The following RBMS2 variants were observed in gnomAD, a reference collection of about 807,000 sequenced individuals.
The protein encoded by RBMS2 is RNA binding motif single stranded interacting protein 2, also known as RNA-binding motif, single-stranded-interacting protein 2.
RBMS2 carries 38 observed loss-of-function variants against 58.4 expected under a neutral mutation model. That is an observed-to-expected ratio of 0.65 (90% CI 0.50 to 0.85). RBMS2 has a LOEUF of 0.85. Among genes scored for constraint, RBMS2 ranks in the 40% least tolerant of loss-of-function variants. The pLI is 0.00. For synonymous variants in RBMS2, 151 were observed against 180.7 expected, an observed-to-expected ratio of 0.84 and a Z score of 1.32; for missense variants, 367 against 503.7, an observed-to-expected ratio of 0.73 and a Z score of 2.60.
intron 2 of RBMS2, among the ~76,000 whole-genome samples, chr12:56,565,859 G>A (rs1013018126): frequency 5.3e-5 from 8 of 152,106 alleles, no homozygotes; most frequent in Non-Finnish European, 8.8e-5. Context: ...CCTGTTTCTC[G>A]GAGGGGCTCC....
Position 56,581,830 on chromosome 12 carries a change from T to C in RBMS2, c.733-3T>C, listed in dbSNP as rs1883993753. 1 of 1,614,062 alleles carries C rather than the reference T, an allele frequency of 6.2e-7. No individual in the cohort carries two copies. The highest frequency in any genetic ancestry group is 8.5e-7 in the Non-Finnish European group (1 of 1,180,004). The stretch of plus-strand genomic sequence containing the variant: ...ATGTGAACACTGTGTTCTTTCTTTA[T>C]AGGGCGTCATGGCCTTGACCTATGA... On this transcript the variant is annotated splice_region_variant and splice_polypyrimidine_tract_variant and intron_variant, in intron 7 of 13. Coordinates refer to ENST00000262031, the MANE Select transcript of RBMS2 (RefSeq NM_002898.4).
At chr12:56,529,936 G>T (rs964753311) in intron 1 of RBMS2, among the ~76,000 whole-genome samples, 1 of 152,148 alleles carries the variant, frequency 6.6e-6, no homozygotes, top group Non-Finnish European at 1.5e-5. Flanking sequence ...TAGAGACAGG[G>T]TCTCACTCTG....
chr12:56,585,566 CTTCA>C (rs1884567015), intron 9 of RBMS2, among the ~76,000 whole-genome samples: 1 of 152,152 alleles, frequency 6.6e-6, no homozygotes, highest in African/African-American at 2.4e-5. Context: ...TTTATCAGTA[CTTCA>C]TTCTTTTTAT....
At chr12:56,548,450 GAACA>G (rs911800029) in intron 1 of RBMS2, among the ~76,000 whole-genome samples, 1 of 151,916 alleles carries the variant, frequency 6.6e-6, no homozygotes, top group Non-Finnish European at 1.5e-5. Flanking sequence ...CTGTCTCAAA[GAACA>G]AACAAACAAA....
At chr12:56,552,034 G>A (rs1207991546) in intron 1 of RBMS2, among the ~76,000 whole-genome samples, 1 of 152,254 alleles carries the variant, frequency 6.6e-6, no homozygotes, top group Non-Finnish European at 1.5e-5. Flanking sequence ...GTTGCAGTGA[G>A]CCGAGATCGT....
intron 12 of RBMS2, chr12:56,588,711 C>A: frequency 6.7e-6 from 4 of 598,876 alleles, no homozygotes; most frequent in Non-Finnish European, 1.2e-5. Context: ...CAGTAGTTGA[C>A]ACCAGGATGC....
intron 5 of RBMS2, among the ~76,000 whole-genome samples, chr12:56,575,018 G>C (rs1029360163): frequency 2.0e-5 from 3 of 151,842 alleles, no homozygotes; most frequent in Non-Finnish European, 4.4e-5. Context: ...CGTGGTGGCG[G>C]GCGCCTGTAG....
intron 1 of RBMS2, among the ~76,000 whole-genome samples, chr12:56,528,649 T>C (rs1029394827): frequency 1.3e-5 from 2 of 151,922 alleles, no homozygotes; most frequent in Admixed American, 6.6e-5. Context: ...AGACAGATAA[T>C]AAAAAAGACA....
chr12:56,528,865 C>T (rs1290630819), intron 1 of RBMS2, among the ~76,000 whole-genome samples: 1 of 151,668 alleles, frequency 6.6e-6, no homozygotes, highest in Middle Eastern at 3.2e-3. Flanking sequence ...CCCAGGAGGT[C>T]AAGGCTGCGG....
chr12:56,569,803 CATGGAT>C (rs1231603772), intron 3 of RBMS2, 90 bp from the exon 4 acceptor site: 6 of 1,057,424 alleles, frequency 5.7e-6, no homozygotes, highest in Non-Finnish European at 8.7e-6. Context: ...ATTTCTGTTA[CATGGAT>C]CATAACTCTT....
chr12:56,525,119 C>T (rs1158645715), intron 1 of RBMS2, among the ~76,000 whole-genome samples: 1 of 152,008 alleles, frequency 6.6e-6, no homozygotes, highest in Non-Finnish European at 1.5e-5. Flanking sequence ...TGCTCTTTGT[C>T]TTGTCAAGTA....
At position 56,562,406 on chromosome 12, in the gene RBMS2, T is replaced by C; in HGVS notation, c.67-11T>C. On this transcript the variant is annotated splice_polypyrimidine_tract_variant and intron_variant, in intron 1 of 13. Transcript: ENST00000262031. Reference sequence around the variant, plus strand: ...ATAATCCTTCTACCTCTTCCTCATGTCTCCCTGCAGCCATATGTGTCATTG... The same window carrying C: ...ATAATCCTTCTACCTCTTCCTCATGCCTCCCTGCAGCCATATGTGTCATTG... The C allele has an allele frequency of 6.3e-7, 1 of 1,594,814 alleles. No individual in the cohort carries two copies. Among genetic ancestry groups the C allele is most frequent in the South Asian group, 1.1e-5 (1 of 90,628 alleles).
intron 1 of RBMS2, among the ~76,000 whole-genome samples, chr12:56,542,643 G>T (rs1415853136): frequency 2.7e-5 from 4 of 149,090 alleles, no homozygotes; most frequent in Admixed American, 1.4e-4. Flanking sequence ...CAACCTCCTC[G>T]GCTCAAGTGA....
chr12:56,587,384 C>T (rs958896303), intron 10 of RBMS2, among the ~76,000 whole-genome samples, 170 bp from the exon 11 acceptor site: 1 of 152,158 alleles, frequency 6.6e-6, no homozygotes, highest in African/African-American at 2.4e-5. Flanking sequence ...GGTCCTTCCA[C>T]ACTGACAGGC....
chr12:56,544,968 A>G (rs765403744), intron 1 of RBMS2, among the ~76,000 whole-genome samples: 1 of 151,814 alleles, frequency 6.6e-6, no homozygotes, highest in Non-Finnish European at 1.5e-5. Flanking sequence ...GGTTACATGG[A>G]TAAGTTCTTT....
intron 1 of RBMS2, among the ~76,000 whole-genome samples, chr12:56,548,276 A>G (rs1592378358): frequency 1.3e-5 from 2 of 151,976 alleles, no homozygotes; most frequent in Admixed American, 1.3e-4. Context: ...GTGAAACCCC[A>G]TCTCTACTAA....
In RBMS2 at chr12:56,536,758, G is replaced by A. The variant is rs778553097; in HGVS notation, c.66+14669G>A. Among the ~76,000 whole-genome samples, 22 of 151,392 alleles carry A rather than the reference G, an allele frequency of 1.5e-4. No homozygotes were observed. The East Asian group carries it at 2.8e-3, about 19-fold the overall frequency. On this transcript the variant is annotated intron_variant, in intron 1 of 13. Coordinates refer to ENST00000262031, the MANE Select transcript of RBMS2 (RefSeq NM_002898.4). ...AATTTTTTGTATTTTCAGTGGAGACGGGGTTTCACCATGCTGGCCAGGCTG... is the reference window on the plus strand; with the variant it reads ...AATTTTTTGTATTTTCAGTGGAGACAGGGTTTCACCATGCTGGCCAGGCTG...
chr12:56,556,033 A>G (rs1311927942), intron 1 of RBMS2, among the ~76,000 whole-genome samples: 1 of 150,856 alleles, frequency 6.6e-6, no homozygotes, highest in East Asian at 1.9e-4. Context: ...AGACAGAGCT[A>G]GACTCTGTGT....
At chr12:56,568,036 A>G (rs964222000) in intron 2 of RBMS2, among the ~76,000 whole-genome samples, 3 of 152,268 alleles carry the variant, frequency 2.0e-5, no homozygotes, top group African/African-American at 7.2e-5. Flanking sequence ...ATTAATTCAC[A>G]GTCCTAACAA....
Sources: gnomAD v4.1 joint callset for allele counts (sites outside exome capture counted in the v4.1 genomes callset) on GRCh38, gnomAD v4.1.1 for gene constraint, MANE v1.5 for transcripts, NCBI Gene and HGNC (gene_info 2026-07-23, HGNC 2026-07-21) for gene names.